SYTL5: variants seen among roughly 807,000 people sequenced by gnomAD.
The protein encoded by SYTL5 is synaptotagmin like 5.
Under a neutral mutation model 55.9 loss-of-function variants are expected in SYTL5, and 34 were observed. The ratio of observed to expected loss-of-function variants is 0.61; its 90% CI spans 0.46 to 0.81. The LOEUF (loss-of-function observed/expected upper bound fraction) is 0.81, where lower values mean the gene tolerates loss of function less well. Ranked by LOEUF, SYTL5 falls within the 30% of genes least tolerant of loss-of-function variation. The pLI is 0.00. For synonymous variants in SYTL5, 221 were observed against 188.7 expected, an observed-to-expected ratio of 1.17 and a Z score of -1.40; for missense variants, 637 against 546.7, an observed-to-expected ratio of 1.17 and a Z score of -1.65.
chrX:38,026,560 C>T (rs1456583922), intron 1 of SYTL5, among the ~76,000 whole-genome samples: 1 of 111,696 alleles, frequency 9.0e-6, no homozygotes, highest in Non-Finnish European at 1.9e-5. Context: ...CCGAGCAGCC[C>T]CAAGGGCTGT....
At chrX:38,114,081 A>G (rs778592591) in intron 13 of SYTL5, among the ~76,000 whole-genome samples, 7 of 111,419 alleles carry the variant, frequency 6.3e-5, no homozygotes, top group Non-Finnish European at 1.1e-4. Flanking sequence ...ATAAAATACT[A>G]TAACTTAAAT....
At chrX:38,101,379 C>T (rs60883552) in intron 9 of SYTL5, among the ~76,000 whole-genome samples, 5,450 of 109,620 alleles carry the variant, frequency 0.05, 115 homozygotes, top group Middle Eastern at 0.084. Flanking sequence ...TAAAGCAAGC[C>T]CAGAAGTGTA....
chrX:38,075,621 A>G (rs73467423), intron 5 of SYTL5, among the ~76,000 whole-genome samples: 5,487 of 111,489 alleles, frequency 0.049, 115 homozygotes, highest in Middle Eastern at 0.083. Flanking sequence ...GCATACCTTG[A>G]CATTATATTA....
At chrX:37,940,804 G>A in the SYTL5 span, among the ~76,000 whole-genome samples, 3,452 of 110,347 alleles carry the variant, frequency 0.031, 134 homozygotes, top group African/African-American at 0.11. Context: ...ATGCTGCAAT[G>A]GGATATTTCC....
intron 7 of SYTL5, among the ~76,000 whole-genome samples, chrX:38,091,191 T>C (rs755898639): frequency 2.2e-4 from 25 of 111,729 alleles, no homozygotes; most frequent in Non-Finnish European, 3.6e-4. Context: ...TCATACCCCA[T>C]GTGAGAGATT....
Position 38,054,198 on chromosome X carries a change from C to T in SYTL5, c.120-15C>T, listed in dbSNP as rs750345460. ...TTTGTTTTTTTAAGTGATTTTTTTT[C>T]CCCTCTTCTTTCAGGAAGCTGAAAA... On this transcript the variant is annotated splice_polypyrimidine_tract_variant and intron_variant, in intron 2 of 16. Transcript: ENST00000297875. 2.0e-4 allele frequency: 230 copies of T among 1,168,344 alleles called. 2 individuals are homozygous for T. In the East Asian group the frequency reaches 6.8e-3, roughly 35 times the overall value.
rs754444569 is a variant in SYTL5 at position 38,089,343 on chromosome X, G to A, written c.690-103G>A. On this transcript the variant is annotated intron_variant, in intron 6 of 16. Coordinates refer to ENST00000297875, the MANE Select transcript of SYTL5 (RefSeq NM_138780.3). ...AGTGTGACTCTTGTGAACTCAGTGC[G>A]GTTCATATGTTCTTATCAGTTTCCT... 38 of 908,487 alleles carry A rather than the reference G, an allele frequency of 4.2e-5. No homozygotes were observed. In the South Asian group the frequency reaches 6.5e-4, roughly 16 times the overall value. The allele number at this position is 908,487 out of a possible 1,213,427, so 74.9% of individuals were successfully genotyped here.
In SYTL5 at chrX:38,125,615, T is replaced by A; in HGVS notation, c.2050+109T>A. On this transcript the variant is annotated intron_variant, in intron 16 of 16. Coordinates refer to ENST00000297875, the MANE Select transcript of SYTL5 (RefSeq NM_138780.3). ...ATGTATATATATAGTTTCAGCTAAATCCTGAAATTACCACAAATACTTCAT... is the reference window on the plus strand; with the variant it reads ...ATGTATATATATAGTTTCAGCTAAAACCTGAAATTACCACAAATACTTCAT... 5.4e-6 allele frequency: 3 copies of A among 556,551 alleles called. No individual in the cohort carries two copies. The South Asian group carries it at 9.1e-5, about 17-fold the overall frequency. 45.9% of individuals were successfully genotyped at this position (556,551 alleles called of 1,213,427 possible).
the SYTL5 span, among the ~76,000 whole-genome samples, chrX:37,920,728 T>C: frequency 9.0e-6 from 1 of 111,277 alleles, no homozygotes; most frequent in South Asian, 3.8e-4. Context: ...GCTAAAATGT[T>C]AGTTTCTGGA....
the SYTL5 span, among the ~76,000 whole-genome samples, chrX:37,969,878 C>G: frequency 8.9e-6 from 1 of 112,028 alleles, no homozygotes; most frequent in African/African-American, 3.3e-5. Flanking sequence ...AGGTGATCCA[C>G]CAGCCTTGGC....
the SYTL5 span, among the ~76,000 whole-genome samples, chrX:37,899,612 G>A: frequency 9.0e-6 from 1 of 111,694 alleles, no homozygotes; most frequent in African/African-American, 3.3e-5. Flanking sequence ...GTCCATGTCT[G>A]AGTTCACAAC....
chrX:37,996,215 G>A, the SYTL5 span, among the ~76,000 whole-genome samples: 56 of 111,762 alleles, frequency 5.0e-4, no homozygotes, highest in East Asian at 0.015. Flanking sequence ...AATCGTGGGG[G>A]GCCACAGCCA....
the SYTL5 span, among the ~76,000 whole-genome samples, chrX:37,955,067 A>T: frequency 1.8e-5 from 2 of 111,216 alleles, no homozygotes; most frequent in South Asian, 7.6e-4. Context: ...CTAACGAGAT[A>T]CGAGATCCAG....
chrX:37,916,480 G>A, the SYTL5 span, among the ~76,000 whole-genome samples: 2 of 112,099 alleles, frequency 1.8e-5, no homozygotes, highest in East Asian at 5.6e-4. Context: ...TCATACCATA[G>A]CTGCTTTCAA....
chrX:38,063,802 G>C (rs1936020265), intron 3 of SYTL5, among the ~76,000 whole-genome samples: 2 of 111,780 alleles, frequency 1.8e-5, no homozygotes, highest in Admixed American at 9.5e-5. Context: ...CTGGTCAACA[G>C]ACATTTAGAT....
the SYTL5 span, among the ~76,000 whole-genome samples, chrX:37,988,581 T>C: frequency 8.9e-6 from 1 of 112,212 alleles, no homozygotes; most frequent in African/African-American, 3.2e-5. Flanking sequence ...AACCTTAGAT[T>C]ATGTTGAACA....
At chrX:37,995,243 G>T in the SYTL5 span, among the ~76,000 whole-genome samples, 2 of 111,526 alleles carry the variant, frequency 1.8e-5, no homozygotes, top group Admixed American at 9.5e-5. Context: ...TCTGACTGAG[G>T]TGCAGGAGGC....
the SYTL5 span, among the ~76,000 whole-genome samples, chrX:37,902,890 A>G: frequency 8.9e-6 from 1 of 112,286 alleles, no homozygotes; most frequent in African/African-American, 3.2e-5. Flanking sequence ...TGATGCCATT[A>G]CAAGGGAAAG....
chrX:37,976,298 C>T, the SYTL5 span, among the ~76,000 whole-genome samples: 1 of 112,300 alleles, frequency 8.9e-6, no homozygotes, highest in Admixed American at 9.4e-5. Flanking sequence ...TTAACTCTTG[C>T]ATAAGCAGAC....
Sources: allele counts gnomAD v4.1 joint callset (sites outside exome capture counted in the v4.1 genomes callset), GRCh38; gene constraint gnomAD v4.1.1; transcripts MANE v1.5; gene names NCBI Gene and HGNC (gene_info 2026-07-23, HGNC 2026-07-21).